The following PDSS2 variants were observed in gnomAD, a reference collection of about 807,000 sequenced individuals.
The protein encoded by PDSS2 is decaprenyl diphosphate synthase subunit 2, also known as all trans-polyprenyl-diphosphate synthase PDSS2.
Under a neutral mutation model 44.5 loss-of-function variants are expected in PDSS2, and 31 were observed. That is an observed-to-expected ratio of 0.70 (90% CI 0.52 to 0.94). The LOEUF is 0.94. PDSS2 is among the 40% of genes least tolerant of loss of function. PDSS2 has a pLI of 0.00. For synonymous variants in PDSS2, 157 were observed against 180.3 expected, an observed-to-expected ratio of 0.87 and a Z score of 1.03; for missense variants, 452 against 482.2, an observed-to-expected ratio of 0.94 and a Z score of 0.59.
intron 6 of PDSS2, among the ~76,000 whole-genome samples, chr6:107,199,235 A>G (rs1269060993): frequency 6.6e-6 from 1 of 152,338 alleles, no homozygotes; most frequent in East Asian, 1.9e-4. Context: ...AACAGAACAG[A>G]TCAAAATGTG....
chr6:107,391,414 T>C (rs556890229), intron 1 of PDSS2, among the ~76,000 whole-genome samples: 1 of 152,266 alleles, frequency 6.6e-6, no homozygotes, highest in African/African-American at 2.4e-5. Flanking sequence ...TATAACTGTC[T>C]ACTGTAAGTA....
intron 1 of PDSS2, among the ~76,000 whole-genome samples, chr6:107,396,678 C>CTTTTTTTTTTTTT (rs950671310): frequency 1.7e-3 from 136 of 79,308 alleles, no homozygotes; most frequent in East Asian, 2.6e-3. Context: ...CTTCTTTTTT[C>CTTTTTTTTTTTTT]TTTTTTTTTT....
At chr6:107,187,662 C>CT (rs1245631811) in intron 7 of PDSS2, among the ~76,000 whole-genome samples, 2 of 148,414 alleles carry the variant, frequency 1.3e-5, no homozygotes, top group Non-Finnish European at 3.0e-5. Flanking sequence ...GAAACTCCAT[C>CT]TCAAAAAAAA....
At chr6:107,363,829 T>C (rs965735992) in intron 1 of PDSS2, among the ~76,000 whole-genome samples, 1 of 151,936 alleles carries the variant, frequency 6.6e-6, no homozygotes, top group African/African-American at 2.4e-5. Flanking sequence ...CCACATCAGA[T>C]TAGTTAAGAT....
At chr6:107,305,575 T>C (rs948449748) in intron 2 of PDSS2, among the ~76,000 whole-genome samples, 2 of 152,192 alleles carry the variant, frequency 1.3e-5, no homozygotes, top group South Asian at 2.1e-4. Flanking sequence ...AGTTATTTCA[T>C]AGGACTGTTG....
At chr6:107,251,782 GC>G (rs1434306253) in intron 3 of PDSS2, among the ~76,000 whole-genome samples, 8 of 152,114 alleles carry the variant, frequency 5.3e-5, no homozygotes, top group African/African-American at 1.4e-4. Flanking sequence ...CTGAGAGGGT[GC>G]TGAATAGGCC....
intron 6 of PDSS2, among the ~76,000 whole-genome samples, chr6:107,196,827 G>A (rs892966280): frequency 6.6e-6 from 1 of 152,142 alleles, no homozygotes; most frequent in African/African-American, 2.4e-5. Flanking sequence ...AGGTTAACTT[G>A]ATCACCAATG....
intron 2 of PDSS2, among the ~76,000 whole-genome samples, chr6:107,323,411 A>C (rs1777444881): frequency 6.6e-6 from 1 of 152,184 alleles, no homozygotes; most frequent in Non-Finnish European, 1.5e-5. Context: ...AGTTGAACCT[A>C]TCTAGATGTG....
At chr6:107,298,929 C>T (rs1776600542) in intron 2 of PDSS2, among the ~76,000 whole-genome samples, 1 of 151,972 alleles carries the variant, frequency 6.6e-6, no homozygotes, top group South Asian at 2.1e-4. Flanking sequence ...ATCGCCTGAG[C>T]TCAGGAGTTT....
chr6:107,433,507 A>C (rs552096448), intron 1 of PDSS2, among the ~76,000 whole-genome samples: 1 of 152,352 alleles, frequency 6.6e-6, no homozygotes, highest in South Asian at 2.1e-4. Flanking sequence ...TGCCAAGAAC[A>C]TGCATTGGGG....
At chr6:107,164,536 G>T (rs1425381764) in intron 7 of PDSS2, among the ~76,000 whole-genome samples, 1 of 152,146 alleles carries the variant, frequency 6.6e-6, no homozygotes, top group African/African-American at 2.4e-5. Flanking sequence ...ATGGTGTATA[G>T]GTGCCACATT....
At chr6:107,388,243 A>G (rs1779671043) in intron 1 of PDSS2, among the ~76,000 whole-genome samples, 1 of 152,214 alleles carries the variant, frequency 6.6e-6, no homozygotes, top group Non-Finnish European at 1.5e-5. Context: ...GGACACTATT[A>G]AAAATTATAC....
chr6:107,171,508 CA>C (rs1211635817), intron 7 of PDSS2, among the ~76,000 whole-genome samples: 1 of 151,580 alleles, frequency 6.6e-6, no homozygotes, highest in Admixed American at 6.6e-5. Context: ...CAATTTTTTT[CA>C]AGTTCTTTTT....
intron 2 of PDSS2, among the ~76,000 whole-genome samples, chr6:107,288,400 T>TATGA (rs765282329): frequency 3.3e-5 from 5 of 152,122 alleles, no homozygotes; most frequent in African/African-American, 9.7e-5. Flanking sequence ...GTCTTTGTTA[T>TATGA]ATGAATGAAT....
intron 1 of PDSS2, among the ~76,000 whole-genome samples, chr6:107,454,013 A>G (rs1341467348): frequency 6.7e-6 from 1 of 148,466 alleles, no homozygotes; most frequent in Non-Finnish European, 1.5e-5. Context: ...TTTTGTGTCA[A>G]CTCATCAAGG....
At chr6:107,161,397 G>A (rs1026301338) in intron 7 of PDSS2, among the ~76,000 whole-genome samples, 1 of 151,412 alleles carries the variant, frequency 6.6e-6, no homozygotes, top group African/African-American at 2.4e-5. Flanking sequence ...GGAGAATGGC[G>A]TGACCCCGGG....
At chr6:107,269,842 T>C (rs1475648072) in intron 3 of PDSS2, among the ~76,000 whole-genome samples, 2 of 152,026 alleles carry the variant, frequency 1.3e-5, no homozygotes, top group Non-Finnish European at 2.9e-5. Context: ...AATTTTTGTA[T>C]TTTCAGTAGA....
In PDSS2 at chr6:107,441,864, G is replaced by A. The variant is rs534952502; in HGVS notation, c.296+17126C>T. On this transcript the variant is annotated intron_variant, in intron 1 of 7. Coordinates refer to ENST00000369037, the MANE Select transcript of PDSS2 (RefSeq NM_020381.4). Reference sequence around the variant, plus strand: ...CACAGGGGTGGCCAACACTCAAGCAGGCTCAAACCTAGTACACCATTCACC... The same window carrying A: ...CACAGGGGTGGCCAACACTCAAGCAAGCTCAAACCTAGTACACCATTCACC... Among the ~76,000 whole-genome samples, 4 of 152,216 alleles carry A rather than the reference G, an allele frequency of 2.6e-5. No homozygotes were observed. The East Asian group carries it at 5.8e-4, about 22-fold the overall frequency.
At chr6:107,389,832 C>G (rs1583025093) in intron 1 of PDSS2, among the ~76,000 whole-genome samples, 1 of 151,406 alleles carries the variant, frequency 6.6e-6, no homozygotes, top group Non-Finnish European at 1.5e-5. Context: ...AACAAACAAA[C>G]AAAAAAAACC....
Sources: allele counts gnomAD v4.1 joint callset (sites outside exome capture counted in the v4.1 genomes callset), GRCh38; gene constraint gnomAD v4.1.1; transcripts MANE v1.5; gene names NCBI Gene and HGNC (gene_info 2026-07-23, HGNC 2026-07-21).